The following FGFR1 variants were observed in gnomAD, a reference collection of about 807,000 sequenced individuals.
FGFR1 encodes the protein fibroblast growth factor receptor 1.
FGFR1 carries 18 observed loss-of-function variants against 93.7 expected under a neutral mutation model. The ratio of observed to expected loss-of-function variants is 0.19; its 90% CI spans 0.13 to 0.28. The LOEUF (loss-of-function observed/expected upper bound fraction) is 0.28. Ranked by LOEUF, FGFR1 falls within the 10% of genes least tolerant of loss-of-function variation. The pLI, the probability that FGFR1 is intolerant of heterozygous loss-of-function variation, is 1.00. For missense variants in FGFR1, 731 were observed against 1,080.4 expected, an observed-to-expected ratio of 0.68 and a Z score of 4.53; for synonymous variants, 448 against 429.3, an observed-to-expected ratio of 1.04 and a Z score of -0.54.
chr8:38,465,992 C>T (rs2151481473), intron 1 of FGFR1: 1 of 229,620 alleles, frequency 4.4e-6, no homozygotes, highest in Non-Finnish European at 8.6e-6. Context: ...TTGAAAGAGG[C>T]TGGAAAGAAG....
At chr8:38,455,953 T>G (rs1832706683) in intron 2 of FGFR1, among the ~76,000 whole-genome samples, 1 of 152,064 alleles carries the variant, frequency 6.6e-6, no homozygotes, top group Admixed American at 6.6e-5. Flanking sequence ...CCACTTTGGG[T>G]CCCCACCGTG....
intron 2 of FGFR1, among the ~76,000 whole-genome samples, chr8:38,440,551 C>T (rs948674464): frequency 1.3e-5 from 2 of 151,042 alleles, no homozygotes; most frequent in African/African-American, 2.4e-5. Flanking sequence ...ACCAGCCCCC[C>T]GACCCAGGGG....
chr8:38,455,999 A>T (rs1312100734), intron 2 of FGFR1, among the ~76,000 whole-genome samples: 1 of 152,152 alleles, frequency 6.6e-6, no homozygotes, highest in Non-Finnish European at 1.5e-5. Flanking sequence ...TCTGTTACTG[A>T]CAGCAACATG....
At chr8:38,441,051 G>A (rs960233503) in intron 2 of FGFR1, among the ~76,000 whole-genome samples, 5 of 152,076 alleles carry the variant, frequency 3.3e-5, no homozygotes, top group African/African-American at 1.2e-4. Flanking sequence ...CCAGGACCCT[G>A]CACCCGCCCC....
At chr8:38,417,792 T>G in intron 11 of FGFR1, 78 bp downstream of exon 11, 1 of 1,605,646 alleles carries the variant, frequency 6.2e-7, no homozygotes, top group Non-Finnish European at 8.5e-7. Context: ...CCAGAGAAGC[T>G]GTTCTGCTGG....
chr8:38,459,157 T>C (rs1833755630), intron 1 of FGFR1, among the ~76,000 whole-genome samples: 1 of 152,224 alleles, frequency 6.6e-6, no homozygotes. Flanking sequence ...TTCTGGGCAC[T>C]GTCAAGGCTA....
rs370005805 is a variant in FGFR1 at position 38,447,558 on chromosome 8, T to C, written c.91+9798A>G. ...GTGCAGTGGTGCAATCTCAGCTCAC[T>C]GCAACCTCCACCTCCTGGGTTCAAG... On this transcript the variant is annotated intron_variant, in intron 2 of 17. Coordinates refer to ENST00000447712, the MANE Select transcript of FGFR1 (RefSeq NM_023110.3). Among the ~76,000 whole-genome samples, 165 of 152,310 alleles carry C rather than the reference T, an allele frequency of 1.1e-3. 4 individuals carry two copies. The South Asian group carries it at 0.033, about 31-fold the overall frequency.
At chr8:38,446,355 C>T (rs940366102) in intron 2 of FGFR1, among the ~76,000 whole-genome samples, 2 of 152,038 alleles carry the variant, frequency 1.3e-5, no homozygotes, top group African/African-American at 4.8e-5. Flanking sequence ...GGATTACAGG[C>T]GCCCGCCACC....
chr8:38,442,585 C>T (rs1289161197), intron 2 of FGFR1, among the ~76,000 whole-genome samples: 1 of 151,986 alleles, frequency 6.6e-6, no homozygotes, highest in Non-Finnish European at 1.5e-5. Context: ...CCTGCAGCTC[C>T]CACTCTCCAC....
At chr8:38,434,083 T>C (rs973565232) in intron 2 of FGFR1, among the ~76,000 whole-genome samples, 4 of 152,264 alleles carry the variant, frequency 2.6e-5, no homozygotes, top group South Asian at 2.1e-4. Context: ...TGTTATAGCA[T>C]AGAATCAGCA....
chr8:38,435,147 G>A (rs1293277280), intron 2 of FGFR1: 3 of 152,276 alleles, frequency 2.0e-5, no homozygotes, highest in Non-Finnish European at 4.4e-5. Flanking sequence ...TGGGATTACA[G>A]ACGTGAGCCA....
In FGFR1 at chr8:38,414,836, T is replaced by C. The variant is rs778191968; in HGVS notation, c.1920A>G (p.Ala640=). 8 of 1,613,832 alleles carry C rather than the reference T, an allele frequency of 5.0e-6. No homozygotes were observed. The highest frequency in any genetic ancestry group is 2.2e-5 in the South Asian group (2 of 91,068). Reference sequence around the variant, plus strand: ...GAATGTCCCGTGCGAGGCCAAAGTCTGCTATCTTCATCACATTGTCCTCTG... The same window carrying C: ...GAATGTCCCGTGCGAGGCCAAAGTCCGCTATCTTCATCACATTGTCCTCTG... ...LVTEDNVMKI[A]DFGLARDIHH... Residue 640 remains alanine (A), a synonymous_variant, in exon 14 of 18, where the codon GCA becomes GCG. Transcript: ENST00000447712.
intron 2 of FGFR1, among the ~76,000 whole-genome samples, chr8:38,444,077 A>AAAAAAAAG (rs1828496658): frequency 7.1e-6 from 1 of 139,984 alleles, no homozygotes; most frequent in African/African-American, 2.6e-5. Flanking sequence ...AAAAAAAAAA[A>AAAAAAAAG]GAATCAGGTG....
chr8:38,456,142 T>A (rs1832756920), intron 2 of FGFR1, among the ~76,000 whole-genome samples: 1 of 152,188 alleles, frequency 6.6e-6, no homozygotes, highest in Non-Finnish European at 1.5e-5. Context: ...ACCAGCTGAG[T>A]GGCAGCCTTT....
intron 11 of FGFR1, 180 bp from the exon 12 acceptor site, chr8:38,417,596 G>T: frequency 1.4e-6 from 1 of 729,714 alleles, no homozygotes; most frequent in Non-Finnish European, 2.4e-6. Flanking sequence ...ATAGGTGGTA[G>T]TGAGTGGGCA....
chr8:38,442,481 G>A lies in FGFR1; in HGVS notation c.92-12533C>T, dbSNP rs369967470. On this transcript the variant is annotated intron_variant, in intron 2 of 17. Transcript: ENST00000447712. ...CTCCCAGCCATGTGTCTGCAGCTGC[G>A]ACCTGTCATGCACTTCCTGGTCTGG... Among the ~76,000 whole-genome samples the A allele has an allele frequency of 2.6e-4, 39 of 151,942 alleles. No individual in the cohort carries two copies. In the South Asian group the frequency reaches 7.3e-3, roughly 28 times the overall value.
chr8:38,438,929 T>A (rs552868669), intron 2 of FGFR1, among the ~76,000 whole-genome samples: 1 of 152,270 alleles, frequency 6.6e-6, no homozygotes, highest in African/African-American at 2.4e-5. Flanking sequence ...ACCTTACAGT[T>A]GAGTGCTTTT....
intron 9 of FGFR1, chr8:38,418,646 T>C: frequency 1.9e-6 from 1 of 524,790 alleles, no homozygotes; most frequent in East Asian, 3.3e-5. Context: ...ATTTTATAAC[T>C]GATCATTGCA....
chr8:38,432,171 G>A (rs1438996080), intron 2 of FGFR1, among the ~76,000 whole-genome samples: 2 of 152,098 alleles, frequency 1.3e-5, no homozygotes, highest in Non-Finnish European at 2.9e-5. Flanking sequence ...CCCCCCAAGA[G>A]AATGCAGCAA....
Sources: gnomAD v4.1 joint callset for allele counts (sites outside exome capture counted in the v4.1 genomes callset) on GRCh38, gnomAD v4.1.1 for gene constraint, MANE v1.5 for transcripts, NCBI Gene and HGNC (gene_info 2026-07-23, HGNC 2026-07-21) for gene names.